KIF14: variants seen among roughly 807,000 people sequenced by gnomAD.
KIF14 encodes kinesin family member 14, also known as kinesin-like protein KIF14.
In KIF14, 98 loss-of-function variants were observed where a neutral mutation model predicts 176.2. The ratio of observed to expected loss-of-function variants is 0.56; its 90% CI spans 0.47 to 0.66. The LOEUF (loss-of-function observed/expected upper bound fraction) is 0.66, where lower values mean the gene tolerates loss of function less well. KIF14 is among the 30% of genes least tolerant of loss of function. The probability of loss-of-function intolerance (pLI) is 0.00; values close to 1 mark genes in which losing one functional copy is unlikely to be tolerated. For synonymous variants in KIF14, 566 were observed against 632.2 expected, an observed-to-expected ratio of 0.90 and a Z score of 1.57; for missense variants, 1,751 against 1,920.4, an observed-to-expected ratio of 0.91 and a Z score of 1.65.
intron 18 of KIF14, among the ~76,000 whole-genome samples, chr1:200,586,635 G>C (rs1658752728): frequency 6.7e-6 from 1 of 149,636 alleles, no homozygotes; most frequent in Non-Finnish European, 1.5e-5. Flanking sequence ...AAAAAAACTA[G>C]AAAAAAAGAG....
In KIF14 at chr1:200,600,468, G is replaced by A. The variant is rs755382692; in HGVS notation, c.2188C>T (p.Gln730Ter). ...KAEIAKLKAAQRNSRNIDPER... is the reference protein window; with the variant it reads ...KAEIAKLKAA ...GGGTCAATATTCCGACTGTTTCTCT[G>A]AGCAGCTTTTAGCTTTGCAATTTCT... is the stretch of plus-strand genomic sequence containing the variant. The change falls in exon 12 of 30, where the codon CAG becomes TAG. Residue 730 changes from glutamine to a stop codon, truncating the protein, a stop_gained. Coordinates refer to ENST00000367350, the MANE Select transcript of KIF14 (RefSeq NM_014875.3). LOFTEE classifies it high-confidence loss of function. 2 of 1,613,546 alleles carry A rather than the reference G, an allele frequency of 1.2e-6. No individual in the cohort carries two copies. The highest frequency in any genetic ancestry group is 1.3e-5 in the African/African-American group (1 of 74,882).
At chr1:200,577,641 C>T (rs1658196511) in intron 21 of KIF14, among the ~76,000 whole-genome samples, 1 of 151,050 alleles carries the variant, frequency 6.6e-6, no homozygotes. Flanking sequence ...ACGGAGGTTG[C>T]AGTGAGCCGA....
intron 13 of KIF14, among the ~76,000 whole-genome samples, chr1:200,599,434 T>C (rs1659519977): frequency 6.6e-6 from 1 of 152,204 alleles, no homozygotes; most frequent in East Asian, 1.9e-4. Context: ...TATTAAAATC[T>C]TACCCAAACT....
chr1:200,556,707 C>A (rs760664507), intron 27 of KIF14, among the ~76,000 whole-genome samples: 2 of 152,200 alleles, frequency 1.3e-5, no homozygotes, highest in Non-Finnish European at 2.9e-5. Flanking sequence ...ATTCTATACC[C>A]TTCTGCACTT....
intron 2 of KIF14, among the ~76,000 whole-genome samples, chr1:200,616,141 G>C (rs1425791502): frequency 1.3e-5 from 2 of 151,742 alleles, no homozygotes; most frequent in Non-Finnish European, 2.9e-5. Context: ...TTTTCCCTTT[G>C]AGACTTAGGT....
rs541594783 is a variant in KIF14, at chr1:200,568,505, T to C, written c.3661+1406A>G. On this transcript the variant is annotated intron_variant, in intron 23 of 29. Transcript: ENST00000367350. ...ATATTCCATTAGAACTTTTATCAAA[T>C]AGATTGTTACATAATTATTTTAAAA... 2.0e-5 allele frequency among the ~76,000 whole-genome samples: 3 copies of C among 152,326 alleles called. No individual in the cohort carries two copies. In the South Asian group the frequency reaches 6.2e-4, roughly 32 times the overall value.
At position 200,554,615 on chromosome 1, in the gene KIF14, A is replaced by G. The variant is rs753486902; in HGVS notation, c.4429-9T>C. ...TGCCTTCTGAAACTTTTCTGTATAA[A>G]TAAAGTTAATATTTAAAATAATACA... On this transcript the variant is annotated splice_polypyrimidine_tract_variant and intron_variant, in intron 28 of 29. Coordinates refer to ENST00000367350, the MANE Select transcript of KIF14 (RefSeq NM_014875.3). The G allele has an allele frequency of 7.4e-7, 1 of 1,347,818 alleles. No individual in the cohort carries two copies. Among genetic ancestry groups the G allele is most frequent in the South Asian group, 1.3e-5 (1 of 77,820 alleles). 83.5% of individuals were successfully genotyped at this position (1,347,818 alleles called of 1,614,324 possible).
chr1:200,618,091 T>A lies in KIF14; in HGVS notation c.633A>T (p.Ala211=). 6.2e-7 allele frequency: 1 copy of A among 1,614,192 alleles called. No homozygotes were observed. The highest frequency in any genetic ancestry group is 8.5e-7 in the Non-Finnish European group (1 of 1,180,032). ...SAPSRANENV[A]LKYSSNRPPI... is the part of the protein sequence containing the mutation. ...GTGGTCTATTACTTGAGTACTTAAGTGCAACATTTTCATTTGCTCTACTGG... is the reference window on the plus strand; with the variant it reads ...GTGGTCTATTACTTGAGTACTTAAGAGCAACATTTTCATTTGCTCTACTGG... Residue 211 remains alanine, a synonymous_variant, in exon 2 of 30, where the codon GCA becomes GCT. Transcript: ENST00000367350.
chr1:200,592,309 T>C (rs1020214741), intron 15 of KIF14, 69 bp from the exon 16 acceptor site: 68 of 1,296,972 alleles, frequency 5.2e-5, no homozygotes, highest in Non-Finnish European at 7.3e-5. Flanking sequence ...GAAAATTTAT[T>C]TTGCCCAACA....
chr1:200,593,879 T>A, intron 14 of KIF14, 110 bp from the exon 15 acceptor site: 2 of 558,888 alleles, frequency 3.6e-6, no homozygotes, highest in Non-Finnish European at 6.4e-6. Context: ...TTAAGATTCA[T>A]ACCAATATGT....
At chr1:200,559,481 A>G in intron 26 of KIF14, 29 bp from the exon 27 acceptor site, 2 of 1,397,562 alleles carry the variant, frequency 1.4e-6, no homozygotes, top group South Asian at 1.7e-5. Flanking sequence ...CATTAACTAG[A>G]AAATTTAGGT....
intron 16 of KIF14, 24 bp downstream of exon 16, chr1:200,592,056 A>G (rs1167816307): frequency 6.3e-7 from 1 of 1,595,976 alleles, no homozygotes; most frequent in Non-Finnish European, 8.6e-7. Context: ...TACACTTACT[A>G]TTTCATATCA....
In KIF14 at chr1:200,579,028, T is replaced by C. The variant is rs894704441; in HGVS notation, c.3465+1226A>G. The stretch of plus-strand genomic sequence containing the variant: ...ATGGCGTGAACTCAGGAGGTGGAGT[T>C]GCAGTGAGCCGAGATTGTGCCACTG... On this transcript the variant is annotated intron_variant, in intron 21 of 29. Transcript: ENST00000367350. Among the ~76,000 whole-genome samples the C allele has an allele frequency of 3.9e-5, 6 of 152,162 alleles. No individual in the cohort carries two copies. The South Asian group carries it at 8.3e-4, about 21-fold the overall frequency.
chr1:200,604,436 A>G (rs993172889), intron 8 of KIF14, among the ~76,000 whole-genome samples: 2 of 152,202 alleles, frequency 1.3e-5, no homozygotes, highest in Non-Finnish European at 2.9e-5. Flanking sequence ...TACTGAAAAG[A>G]ATATATTGAG....
At position 200,569,900 on chromosome 1, in the gene KIF14, GA is replaced by G. The variant is rs890921449; in HGVS notation, c.3661+10del. ...TTTCTCGCCATAGAGAAAATGTGAA[GA>G]AAAAAATACCTGATGAATGTGAAGA... On this transcript the variant is annotated intron_variant, in intron 23 of 29. Transcript: ENST00000367350. 5 of 1,506,862 alleles carry G rather than the reference GA, an allele frequency of 3.3e-6. No homozygotes were observed. The highest frequency in any genetic ancestry group is 4.6e-6 in the Non-Finnish European group (5 of 1,091,246). The allele number at this position is 1,506,862 out of a possible 1,614,324, so 93.3% of individuals were successfully genotyped here. A position where few individuals can be genotyped will look rare whatever the true frequency, so the allele number is the denominator to read the frequency against.
chr1:200,612,612 AAT>A (rs1196012400), intron 4 of KIF14, among the ~76,000 whole-genome samples: 2 of 152,130 alleles, frequency 1.3e-5, no homozygotes, highest in African/African-American at 4.8e-5. Flanking sequence ...TTTTCAATTT[AAT>A]TACTGGGAAT....
intron 23 of KIF14, among the ~76,000 whole-genome samples, chr1:200,568,905 T>C (rs1180478948): frequency 1.8e-4 from 27 of 151,476 alleles, no homozygotes; most frequent in Admixed American, 1.7e-3. Context: ...TAGTAGTCTA[T>C]TGTTAGCAGG....
In KIF14 at chr1:200,565,651, C is replaced by T. The variant is rs753015845; in HGVS notation, c.3680G>A (p.Ser1227Asn). The change falls in exon 24 of 30, where the codon AGC (serine) becomes AAC (asparagine). Residue 1227 changes from serine (S) to asparagine (N), a missense_variant. By Grantham distance (46) the Ser-to-Asn change is conservative. Coordinates refer to ENST00000367350, the MANE Select transcript of KIF14 (RefSeq NM_014875.3). Reference protein sequence around the residue: ...SHSSGLMDKSSTIYSNSAESF... With the variant: ...SHSSGLMDKSNTIYSNSAESF... ...CTCTGCTGAATTTGAGTAAATAGTG[C>T]TTGATTTGTCCATTAAACCTACATC... 7.5e-6 allele frequency: 12 copies of T among 1,594,800 alleles called. No homozygotes were observed. The highest frequency in any genetic ancestry group is 8.5e-6 in the Non-Finnish European group (10 of 1,175,094).
Position 200,601,974 on chromosome 1 carries a change from G to C in KIF14, c.2074C>G (p.Leu692Val), listed in dbSNP as rs760130917. ...AAACGGGCTTGGTTAGCATATCTAA[G>C]TGTGCTTAATGTTTCTTCTATGTTG... ...ASNIEETLST[L>V]RYANQARLIV... Residue 692 changes from leucine to valine, a missense_variant, in exon 11 of 30, where the codon CTT (leucine) becomes GTT (valine). Coordinates refer to ENST00000367350, the MANE Select transcript of KIF14 (RefSeq NM_014875.3). 3 of 1,613,738 alleles carry C rather than the reference G, an allele frequency of 1.9e-6. No homozygotes were observed. The highest frequency in any genetic ancestry group is 1.7e-4 in the Middle Eastern group (1 of 6,058).
Sources: allele counts gnomAD v4.1 joint callset (sites outside exome capture counted in the v4.1 genomes callset), GRCh38; gene constraint gnomAD v4.1.1; transcripts MANE v1.5; gene names NCBI Gene and HGNC (gene_info 2026-07-23, HGNC 2026-07-21).